The following MYRIP variants were observed in gnomAD, a reference collection of about 807,000 sequenced individuals.
The protein encoded by MYRIP is myosin VIIA and Rab interacting protein, also known as rab effector MyRIP.
Under a neutral mutation model 98.0 loss-of-function variants are expected in MYRIP, and 49 were observed. That is an observed-to-expected ratio of 0.50 (90% CI 0.40 to 0.63). MYRIP has a LOEUF of 0.63. Ranked by LOEUF, MYRIP falls within the 30% of genes least tolerant of loss-of-function variation. The pLI, the probability that MYRIP is intolerant of heterozygous loss-of-function variation, is 0.00. For missense variants in MYRIP, 1,004 were observed against 1,058.2 expected, an observed-to-expected ratio of 0.95 and a Z score of 0.71; for synonymous variants, 404 against 409.5, an observed-to-expected ratio of 0.99 and a Z score of 0.16.
intron 4 of MYRIP, among the ~76,000 whole-genome samples, chr3:40,159,882 A>G (rs1950342774): frequency 1.3e-5 from 2 of 152,150 alleles, no homozygotes; most frequent in African/African-American, 2.4e-5. Flanking sequence ...TAGTTATTCT[A>G]GTTATACATT....
At chr3:39,813,486 A>C (rs1004604154) in intron 1 of MYRIP, among the ~76,000 whole-genome samples, 37 of 152,194 alleles carry the variant, frequency 2.4e-4, no homozygotes, top group African/African-American at 8.7e-4. Context: ...TATTCTTCAC[A>C]ATAGGAGGAG....
intron 11 of MYRIP, among the ~76,000 whole-genome samples, chr3:40,215,762 A>C (rs945923334): frequency 2.0e-5 from 3 of 152,228 alleles, no homozygotes; most frequent in Non-Finnish European, 2.9e-5. Flanking sequence ...ACTTACTGCT[A>C]GAGTGAATAT....
chr3:40,151,203 G>C lies in MYRIP; in HGVS notation c.469+19G>C. The C allele has an allele frequency of 3.2e-6, 5 of 1,581,538 alleles. No homozygotes were observed. The highest frequency in any genetic ancestry group is 4.3e-6 in the Non-Finnish European group (5 of 1,159,956). ...ATTCTAGGTACTCTCACTTCCTGCC[G>C]CTCTGGGAGTCTTTGGTGGGCTGGT... On this transcript the variant is annotated intron_variant, in intron 4 of 16. Coordinates refer to ENST00000302541, the MANE Select transcript of MYRIP (RefSeq NM_015460.4).
chr3:40,184,506 T>C (rs1950976281), intron 9 of MYRIP, among the ~76,000 whole-genome samples: 1 of 152,196 alleles, frequency 6.6e-6, no homozygotes, highest in South Asian at 2.1e-4. Context: ...CCACAGCCAA[T>C]GTAGGCAGAG....
intron 1 of MYRIP, among the ~76,000 whole-genome samples, chr3:39,889,551 G>T (rs1007758418): frequency 6.6e-6 from 1 of 152,140 alleles, no homozygotes; most frequent in East Asian, 1.9e-4. Flanking sequence ...AGGGAGGAGG[G>T]ATAGCATTGG....
chr3:40,201,672 G>A (rs542584612), intron 10 of MYRIP, among the ~76,000 whole-genome samples: 1 of 152,196 alleles, frequency 6.6e-6, no homozygotes, highest in South Asian at 2.1e-4. Context: ...GAGGCAATAG[G>A]AAATGTATTA....
At chr3:40,038,324 A>C (rs1947429776) in intron 2 of MYRIP, among the ~76,000 whole-genome samples, 2 of 152,136 alleles carry the variant, frequency 1.3e-5, no homozygotes, top group South Asian at 4.1e-4. Context: ...AAGTGAGTTT[A>C]CTTTAAAAAA....
chr3:40,206,463 T>G (rs145392007), intron 10 of MYRIP, among the ~76,000 whole-genome samples: 1 of 152,284 alleles, frequency 6.6e-6, no homozygotes, highest in East Asian at 1.9e-4. Context: ...AGCATTATGA[T>G]TCTTGCTGCT....
At chr3:40,134,313 C>T (rs1283833354) in intron 3 of MYRIP, among the ~76,000 whole-genome samples, 1 of 152,258 alleles carries the variant, frequency 6.6e-6, no homozygotes, top group Non-Finnish European at 1.5e-5. Flanking sequence ...GATCAAACTG[C>T]AAGGCGGCAG....
intron 1 of MYRIP, among the ~76,000 whole-genome samples, chr3:39,886,751 C>T (rs1943314144): frequency 6.6e-6 from 1 of 151,088 alleles, no homozygotes; most frequent in Admixed American, 6.6e-5. Context: ...GAGACTTTAA[C>T]ACCCCACTGT....
chr3:39,937,030 G>A (rs1296604984), intron 2 of MYRIP, among the ~76,000 whole-genome samples: 2 of 152,190 alleles, frequency 1.3e-5, no homozygotes, highest in African/African-American at 2.4e-5. Flanking sequence ...CAGCTTGGCA[G>A]TGACAGAGCA....
intron 2 of MYRIP, among the ~76,000 whole-genome samples, chr3:39,984,072 T>A (rs1385306800): frequency 1.3e-4 from 20 of 152,300 alleles, no homozygotes; most frequent in Admixed American, 1.2e-3. Flanking sequence ...CAGCCTGGCC[T>A]CTGCTTCCCA....
Position 40,258,649 on chromosome 3 carries a change from C to T in MYRIP, c.*483C>T, listed in dbSNP as rs1227895261. The stretch of plus-strand genomic sequence containing the variant: ...CACAAGCATCTTTGTCTTGCAAATC[C>T]TAAGGGAAAAGCAAGTCCCTGCAGT... On this transcript the variant is annotated 3_prime_UTR_variant, in exon 17 of 17. Transcript: ENST00000302541. 1 of 163,492 alleles carries T rather than the reference C, an allele frequency of 6.1e-6. No individual in the cohort carries two copies. The highest frequency in any genetic ancestry group is 1.4e-5 in the Non-Finnish European group (1 of 73,804). 10.1% of individuals were successfully genotyped at this position (163,492 alleles called of 1,614,324 possible).
At chr3:40,063,791 T>C (rs1427660992) in intron 3 of MYRIP, among the ~76,000 whole-genome samples, 1 of 152,176 alleles carries the variant, frequency 6.6e-6, no homozygotes, top group Non-Finnish European at 1.5e-5. Context: ...GTTAAAGAGA[T>C]GAATTGATCA....
intron 2 of MYRIP, among the ~76,000 whole-genome samples, chr3:39,904,771 T>TA (rs1943837103): frequency 6.6e-6 from 1 of 152,114 alleles, no homozygotes; most frequent in African/African-American, 2.4e-5. Flanking sequence ...TGTGTGTAGG[T>TA]AGTCACAGGC....
intron 2 of MYRIP, among the ~76,000 whole-genome samples, chr3:39,982,635 C>G (rs1026829446): frequency 2.6e-5 from 4 of 152,048 alleles, no homozygotes; most frequent in Non-Finnish European, 5.9e-5. Flanking sequence ...CATAAAATAT[C>G]TAGTAGGAAA....
intron 10 of MYRIP, among the ~76,000 whole-genome samples, chr3:40,203,010 A>T (rs777944019): frequency 1.3e-5 from 2 of 151,674 alleles, no homozygotes; most frequent in African/African-American, 4.9e-5. Flanking sequence ...GCTCACTGCA[A>T]TCTCCACCTC....
At chr3:39,868,243 A>G (rs930055291) in intron 1 of MYRIP, among the ~76,000 whole-genome samples, 1 of 152,162 alleles carries the variant, frequency 6.6e-6, no homozygotes, top group Non-Finnish European at 1.5e-5. Context: ...AGAAATTTAC[A>G]ATTGTGGTAG....
chr3:40,126,130 C>T (rs895388353), intron 3 of MYRIP, among the ~76,000 whole-genome samples: 5 of 152,160 alleles, frequency 3.3e-5, no homozygotes, highest in Admixed American at 2.6e-4. Context: ...AACGACCTGC[C>T]CAACCTATCT....
Sources: gnomAD v4.1 joint callset for allele counts (sites outside exome capture counted in the v4.1 genomes callset) on GRCh38, gnomAD v4.1.1 for gene constraint, MANE v1.5 for transcripts, NCBI Gene and HGNC (gene_info 2026-07-23, HGNC 2026-07-21) for gene names.